GALNT17: variants seen among roughly 807,000 people sequenced by gnomAD.
GALNT17 encodes the protein UDP-GalNAc:polypeptide N-acetylgalactosaminyltransferase-like 3.
GALNT17 carries 29 observed loss-of-function variants against 63.7 expected under a neutral mutation model. The observed-to-expected ratio is 0.46, with a 90% CI of 0.34 to 0.62. The LOEUF (loss-of-function observed/expected upper bound fraction) is 0.62. Ranked by LOEUF, GALNT17 falls within the 20% of genes least tolerant of loss-of-function variation. The probability of loss-of-function intolerance (pLI) is 0.01; values close to 1 mark genes in which losing one functional copy is unlikely to be tolerated. For synonymous variants in GALNT17, 305 were observed against 318.3 expected (o/e 0.96, Z 0.45); for missense variants, 603 against 799.6 (o/e 0.75, Z 2.97).
intron 1 of GALNT17, among the ~76,000 whole-genome samples, chr7:71,151,931 C>T (rs748833326): frequency 2.6e-5 from 4 of 152,156 alleles, no homozygotes; most frequent in Admixed American, 2.6e-4. Context: ...AATTTTAAAT[C>T]ATGCAAACAT....
At chr7:71,263,077 G>A (rs1350028032) in intron 1 of GALNT17, among the ~76,000 whole-genome samples, 1 of 152,164 alleles carries the variant, frequency 6.6e-6, no homozygotes, top group Non-Finnish European at 1.5e-5. Context: ...CGGGCCATCT[G>A]CAAACCAAGG....
chr7:71,182,701 A>G (rs1788755889), intron 1 of GALNT17, among the ~76,000 whole-genome samples: 1 of 152,094 alleles, frequency 6.6e-6, no homozygotes, highest in East Asian at 1.9e-4. Flanking sequence ...TCCAAATGTT[A>G]CAGCAGATCT....
intron 1 of GALNT17, among the ~76,000 whole-genome samples, chr7:71,246,838 AAG>A (rs1491361771): frequency 6.6e-6 from 1 of 151,886 alleles, no homozygotes; most frequent in African/African-American, 2.4e-5. Flanking sequence ...CAAAAAAAAA[AAG>A]AGATTATAAT....
intron 2 of GALNT17, among the ~76,000 whole-genome samples, chr7:71,355,178 C>G (rs985523889): frequency 1.3e-5 from 2 of 152,072 alleles, no homozygotes; most frequent in Non-Finnish European, 2.9e-5. Context: ...TTTCTATTCT[C>G]TGACTTATTG....
chr7:71,422,451 A>G (rs987463948), intron 5 of GALNT17, among the ~76,000 whole-genome samples: 1 of 152,234 alleles, frequency 6.6e-6, no homozygotes, highest in Non-Finnish European at 1.5e-5. Context: ...ACAAGTTCCT[A>G]ATCTCTGGAA....
At chr7:71,656,718 G>A (rs1410342328) in intron 6 of GALNT17, among the ~76,000 whole-genome samples, 1 of 152,170 alleles carries the variant, frequency 6.6e-6, no homozygotes. Context: ...CAGTTGAGCT[G>A]TAGTGAAGAG....
intron 6 of GALNT17, among the ~76,000 whole-genome samples, chr7:71,585,470 T>C (rs1461412332): frequency 1.3e-5 from 2 of 152,322 alleles, no homozygotes; most frequent in African/African-American, 2.4e-5. Flanking sequence ...CTCAACTATT[T>C]GTGTATTCTG....
intron 5 of GALNT17, among the ~76,000 whole-genome samples, chr7:71,428,742 C>T (rs908411763): frequency 2.0e-5 from 3 of 152,140 alleles, no homozygotes; most frequent in African/African-American, 2.4e-5. Context: ...CGGCTGACAT[C>T]GTTTTTAAAG....
intron 5 of GALNT17, among the ~76,000 whole-genome samples, chr7:71,531,298 TTTA>T (rs776075455): frequency 6.6e-6 from 1 of 152,056 alleles, no homozygotes; most frequent in Non-Finnish European, 1.5e-5. Context: ...TCCACCCTCT[TTTA>T]TTATTATTAT....
intron 5 of GALNT17, among the ~76,000 whole-genome samples, chr7:71,460,745 G>A (rs1787438630): frequency 6.6e-6 from 1 of 152,166 alleles, no homozygotes; most frequent in Non-Finnish European, 1.5e-5. Flanking sequence ...CTAAACAAGG[G>A]GGTGGATCAT....
chr7:71,472,963 G>A (rs896984519), intron 5 of GALNT17, among the ~76,000 whole-genome samples: 1 of 152,182 alleles, frequency 6.6e-6, no homozygotes, highest in African/African-American at 2.4e-5. Context: ...AGGTTGTCAG[G>A]TTACAGGTTG....
At chr7:71,312,113 A>C (rs978624554) in intron 1 of GALNT17, among the ~76,000 whole-genome samples, 2 of 152,216 alleles carry the variant, frequency 1.3e-5, no homozygotes, top group African/African-American at 4.8e-5. Flanking sequence ...TCCATGCCTT[A>C]ATTTGCATGG....
intron 1 of GALNT17, among the ~76,000 whole-genome samples, chr7:71,313,606 G>C (rs747233373): frequency 1.2e-4 from 18 of 152,196 alleles, no homozygotes; most frequent in Non-Finnish European, 2.4e-4. Flanking sequence ...TGTGTCAGGT[G>C]AATATCCTGT....
chr7:71,467,331 G>A lies in GALNT17; in HGVS notation c.962+46226G>A, dbSNP rs73702309. Among the ~76,000 whole-genome samples, 1,518 of 152,258 alleles carry A rather than the reference G, an allele frequency of 1.0e-2. 23 individuals are homozygous for A. Among genetic ancestry groups the A allele is most frequent in the African/African-American group, 0.034 (1,426 of 41,556 alleles). On this transcript the variant is annotated intron_variant, in intron 5 of 10. Transcript: ENST00000333538. ...TTCATTTTCATGCAATGTATACCAT[G>A]TTATAGATCAATAGATTCAGCTGTG...
chr7:71,651,835 C>G (rs572739262), intron 6 of GALNT17, among the ~76,000 whole-genome samples: 1 of 152,158 alleles, frequency 6.6e-6, no homozygotes, highest in Non-Finnish European at 1.5e-5. Context: ...CCTCAACCAC[C>G]TGAGTTGCTG....
intron 5 of GALNT17, among the ~76,000 whole-genome samples, chr7:71,484,268 A>G (rs1234927786): frequency 6.6e-6 from 1 of 152,162 alleles, no homozygotes; most frequent in Non-Finnish European, 1.5e-5. Flanking sequence ...CGGGCGGATC[A>G]CTTGAGGTCA....
chr7:71,282,665 T>C (rs1269145145), intron 1 of GALNT17, among the ~76,000 whole-genome samples: 2 of 144,934 alleles, frequency 1.4e-5, no homozygotes, highest in Non-Finnish European at 3.1e-5. Flanking sequence ...CTGAGTCCTA[T>C]GGACTCAGGA....
intron 5 of GALNT17, among the ~76,000 whole-genome samples, chr7:71,486,051 G>A (rs1787902819): frequency 6.6e-6 from 1 of 152,104 alleles, no homozygotes; most frequent in African/African-American, 2.4e-5. Flanking sequence ...TCCTCGGCCA[G>A]GCACAGTGGC....
At chr7:71,525,237 G>T (rs556117557) in intron 5 of GALNT17, among the ~76,000 whole-genome samples, 1 of 152,270 alleles carries the variant, frequency 6.6e-6, no homozygotes, top group East Asian at 1.9e-4. Flanking sequence ...GCGCACTGGT[G>T]TGATCGCTGC....
Sources: allele counts gnomAD v4.1 joint callset (sites outside exome capture counted in the v4.1 genomes callset), GRCh38; gene constraint gnomAD v4.1.1; transcripts MANE v1.5; gene names NCBI Gene and HGNC (gene_info 2026-07-23, HGNC 2026-07-21).